LRRC31: variants seen among roughly 807,000 people sequenced by gnomAD.
LRRC31 encodes the protein leucine-rich repeat-containing protein 31.
A neutral mutation model predicts 46.7 loss-of-function variants in LRRC31; 35 were observed. That is an observed-to-expected ratio of 0.75 (90% confidence interval 0.57 to 0.99). The LOEUF (loss-of-function observed/expected upper bound fraction) is 0.99, where lower values mean the gene tolerates loss of function less well. LRRC31 is among the 50% of genes least tolerant of loss of function. The pLI, the probability that LRRC31 is intolerant of heterozygous loss-of-function variation, is 0.00. For synonymous variants in LRRC31, 236 were observed against 235.1 expected (o/e 1.00, Z -0.03); for missense variants, 613 against 626.1 (o/e 0.98, Z 0.22).
intron 1 of LRRC31, among the ~76,000 whole-genome samples, chr3:169,865,078 A>G (rs1781289635): frequency 6.6e-6 from 1 of 151,604 alleles, no homozygotes; most frequent in South Asian, 2.1e-4. Context: ...TCCATCTCAA[A>G]AAAAAAAAAA....
At chr3:169,852,264 G>A (rs1485247156) in intron 6 of LRRC31, among the ~76,000 whole-genome samples, 1 of 150,946 alleles carries the variant, frequency 6.6e-6, no homozygotes, top group Non-Finnish European at 1.5e-5. Flanking sequence ...TTAGCCGGGC[G>A]CAGTGGCGGG....
At chr3:169,865,991 G>C (rs1781318172) in intron 1 of LRRC31, among the ~76,000 whole-genome samples, 1 of 152,194 alleles carries the variant, frequency 6.6e-6, no homozygotes, top group Non-Finnish European at 1.5e-5. Flanking sequence ...GGATGAGGGC[G>C]GCGCTGTGGT....
chr3:169,862,662 G>T (rs1295197641), intron 1 of LRRC31, among the ~76,000 whole-genome samples: 1 of 152,070 alleles, frequency 6.6e-6, no homozygotes, highest in African/African-American at 2.4e-5. Context: ...TCAGGAGGCT[G>T]AGGCAGGGGA....
At chr3:169,840,963 A>T (rs973429384) in intron 8 of LRRC31, among the ~76,000 whole-genome samples, 1 of 152,262 alleles carries the variant, frequency 6.6e-6, no homozygotes, top group African/African-American at 2.4e-5. Flanking sequence ...GGAAAATGGG[A>T]CATGCTTCCC....
chr3:169,854,775 T>C, intron 6 of LRRC31, 38 bp downstream of exon 6: 1 of 1,527,854 alleles, frequency 6.5e-7, no homozygotes, highest in Non-Finnish European at 8.9e-7. Flanking sequence ...AGGCCAAGAT[T>C]CCAAAAGTCT....
intron 5 of LRRC31, 67 bp downstream of exon 5, chr3:169,856,265 AATAT>A: frequency 1.2e-6 from 1 of 866,402 alleles, no homozygotes; most frequent in Non-Finnish European, 1.5e-6. Context: ...GTAACTTTTC[AATAT>A]ATATATTTAT....
intron 8 of LRRC31, among the ~76,000 whole-genome samples, chr3:169,843,593 C>G (rs147308227): frequency 6.6e-6 from 1 of 152,172 alleles, no homozygotes; most frequent in Non-Finnish European, 1.5e-5. Flanking sequence ...ACGCATGGAA[C>G]AAAACTGCAC....
intron 3 of LRRC31, among the ~76,000 whole-genome samples, chr3:169,860,216 T>TTTTTC (rs924901213): frequency 6.6e-5 from 10 of 151,834 alleles, no homozygotes; most frequent in African/African-American, 4.8e-5. Context: ...CTTGTTCTTT[T>TTTTTC]TTTTCTTTTC....
intron 8 of LRRC31, among the ~76,000 whole-genome samples, chr3:169,841,549 T>C (rs1454004834): frequency 6.6e-6 from 1 of 152,216 alleles, no homozygotes; most frequent in African/African-American, 2.4e-5. Context: ...TTAATCATAA[T>C]ATTCTCAAGA....
At chr3:169,847,245 G>A (rs1780633273) in intron 8 of LRRC31, among the ~76,000 whole-genome samples, 2 of 152,220 alleles carry the variant, frequency 1.3e-5, no homozygotes, top group African/African-American at 4.8e-5. Context: ...GAGTGCAGTG[G>A]CACGATCTCA....
intron 1 of LRRC31, among the ~76,000 whole-genome samples, chr3:169,862,490 C>T (rs1012740235): frequency 1.3e-5 from 2 of 152,252 alleles, no homozygotes; most frequent in East Asian, 1.9e-4. Flanking sequence ...TGGCTGGGCA[C>T]GGTGCCTCAC....
chr3:169,867,055 G>GTTTTTTTTTT (rs1468629529), intron 1 of LRRC31, among the ~76,000 whole-genome samples: 1 of 106,672 alleles, frequency 9.4e-6, no homozygotes, highest in African/African-American at 6.6e-5. Flanking sequence ...TTGTTTGTTT[G>GTTTTTTTTTT]TTTGTTTTTT....
At chr3:169,840,404 G>T in intron 8 of LRRC31, 91 bp from the exon 9 acceptor site, 2 of 1,288,328 alleles carry the variant, frequency 1.6e-6, no homozygotes, top group Non-Finnish European at 2.2e-6. Flanking sequence ...TCCAGGAATA[G>T]TAATGACAAG....
intron 8 of LRRC31, among the ~76,000 whole-genome samples, chr3:169,844,729 C>T (rs1030325332): frequency 2.0e-5 from 3 of 152,010 alleles, no homozygotes; most frequent in Non-Finnish European, 2.9e-5. Context: ...GTCAGGAGAT[C>T]GAGACTATCC....
chr3:169,867,038 GTTTTT>G (rs1324128884), intron 1 of LRRC31, among the ~76,000 whole-genome samples: 2 of 126,314 alleles, frequency 1.6e-5, no homozygotes, highest in African/African-American at 9.0e-5. Flanking sequence ...TTGGCCATGG[GTTTTT>G]TTTGTTTGTT....
intron 1 of LRRC31, 92 bp from the exon 2 acceptor site, chr3:169,861,905 T>A: frequency 3.1e-6 from 4 of 1,299,088 alleles, no homozygotes; most frequent in Non-Finnish European, 4.3e-6. Flanking sequence ...AAAGACTGCA[T>A]AACTCTGAAT....
chr3:169,840,457 G>A (rs1350048132), intron 8 of LRRC31, 144 bp from the exon 9 acceptor site: 1 of 865,334 alleles, frequency 1.2e-6, no homozygotes, highest in African/African-American at 1.7e-5. Flanking sequence ...CTTTATTCAG[G>A]ACATCTGAAA....
chr3:169,864,505 A>C (rs1227337245), intron 1 of LRRC31, among the ~76,000 whole-genome samples: 1 of 152,202 alleles, frequency 6.6e-6, no homozygotes, highest in Non-Finnish European at 1.5e-5. Context: ...TCATCTATGA[A>C]ATGCCTGGTT....
At position 169,869,895 on chromosome 3, in the gene LRRC31, TCAAG is replaced by T; in HGVS notation, c.-92_-89del. 1.6e-5 allele frequency: 20 copies of T among 1,271,534 alleles called. No individual in the cohort carries two copies. Among genetic ancestry groups the T allele is most frequent in the Non-Finnish European group, 2.1e-5 (20 of 935,444 alleles). 78.8% of individuals were successfully genotyped at this position (1,271,534 alleles called of 1,614,324 possible). ...TTTCTAAGAAGAAAAGAAGATTCTG[TCAAG>T]CCTGTGTTCAATCAAAATATCCTCC... On this transcript the variant is annotated 5_prime_UTR_variant, in exon 1 of 9. Coordinates refer to ENST00000316428, the MANE Select transcript of LRRC31 (RefSeq NM_024727.4).
Sources: gnomAD v4.1 joint callset for allele counts (sites outside exome capture counted in the v4.1 genomes callset) on GRCh38, gnomAD v4.1.1 for gene constraint, MANE v1.5 for transcripts, NCBI Gene and HGNC (gene_info 2026-07-23, HGNC 2026-07-21) for gene names.